KIRREL3: variants seen among roughly 807,000 people sequenced by gnomAD.
The protein encoded by KIRREL3 is kin of IRRE-like protein 3.
KIRREL3 carries 36 observed loss-of-function variants against 89.7 expected under a neutral mutation model. The observed-to-expected ratio is 0.40, with a 90% CI of 0.31 to 0.53. The LOEUF (loss-of-function observed/expected upper bound fraction) is 0.53. Ranked by LOEUF, KIRREL3 falls within the 20% of genes least tolerant of loss-of-function variation. The pLI, the probability that KIRREL3 is intolerant of heterozygous loss-of-function variation, is 0.49. For missense variants in KIRREL3, 864 were observed against 1,056.6 expected (o/e 0.82, Z 2.53); for synonymous variants, 445 against 441.4 (o/e 1.01, Z -0.10).
At chr11:126,503,024 G>A (rs529542326) in intron 4 of KIRREL3, among the ~76,000 whole-genome samples, 3 of 152,088 alleles carry the variant, frequency 2.0e-5, no homozygotes, top group Non-Finnish European at 4.4e-5. Context: ...GCTTTGCAGC[G>A]CTTAAGTAAT....
rs945682220 is a variant in KIRREL3, at chr11:126,971,967, C to T, written c.55+28488G>A. On this transcript the variant is annotated intron_variant, in intron 1 of 16. Transcript: ENST00000525144. ...ATTAGTGTTTGTGAATTTACATGGC[C>T]CTTTATCCAATTCATAACTATAAAC... 2.6e-5 allele frequency among the ~76,000 whole-genome samples: 4 copies of T among 152,212 alleles called. No homozygotes were observed. The South Asian group carries it at 6.2e-4, about 24-fold the overall frequency.
rs1412031713 is a variant in KIRREL3, at chr11:126,636,503, C to T, written c.56-73591G>A. 1.3e-5 allele frequency among the ~76,000 whole-genome samples: 2 copies of T among 152,198 alleles called. No homozygotes were observed. ...CATAAAGCCACTGGATATGTGGCAG[C>T]TCTGCCTTCGTGTTGGGCTCACATT... On this transcript the variant is annotated intron_variant, in intron 1 of 16. Transcript: ENST00000525144. The surrounding 1 kb of genome is among the most constrained non-coding windows in gnomAD (Gnocchi z 4.4).
chr11:126,701,891 G>T (rs1318427463), intron 1 of KIRREL3, among the ~76,000 whole-genome samples: 2 of 152,174 alleles, frequency 1.3e-5, no homozygotes, highest in African/African-American at 4.8e-5. Flanking sequence ...GTACCTAAAA[G>T]GTTCTTTAGG....
rs1308895932 is a variant in KIRREL3 at position 126,969,775 on chromosome 11, T to A, written c.55+30680A>T. ...TGTAGATCCCTTCAAAGCTGGAGAT[T>A]GGTGCCTTCCGGGATTCTGCCATTG... On this transcript the variant is annotated intron_variant, in intron 1 of 16. Coordinates refer to ENST00000525144, the MANE Select transcript of KIRREL3 (RefSeq NM_032531.4). The surrounding 1 kb of genome is among the most constrained non-coding windows in gnomAD (Gnocchi z 4.9). Among the ~76,000 whole-genome samples the A allele has an allele frequency of 6.6e-6, 1 of 152,180 alleles. No individual in the cohort carries two copies. Among genetic ancestry groups the A allele is most frequent in the African/African-American group, 2.4e-5 (1 of 41,440 alleles).
intron 1 of KIRREL3, among the ~76,000 whole-genome samples, chr11:126,869,946 G>A (rs1945051889): frequency 6.6e-6 from 1 of 152,164 alleles, no homozygotes; most frequent in African/African-American, 2.4e-5. Flanking sequence ...CTTGTAATGG[G>A]TTCATTATTT....
chr11:126,718,357 CCCAACT>C (rs143672768), intron 1 of KIRREL3, among the ~76,000 whole-genome samples: 9,294 of 152,262 alleles, frequency 0.061, 364 homozygotes, highest in African/African-American at 0.11. Flanking sequence ...AGTTGCGGAA[CCCAACT>C]CCAAGAGGCT....
chr11:126,651,509 C>G lies in KIRREL3; in HGVS notation c.56-88597G>C, dbSNP rs1371241942. ...CAGGTTAGTCTTAGTTATCCTGGAGCCTAACTGGATCTTGGGAATAAATCT... is the reference window on the plus strand; with the variant it reads ...CAGGTTAGTCTTAGTTATCCTGGAGGCTAACTGGATCTTGGGAATAAATCT... On this transcript the variant is annotated intron_variant, in intron 1 of 16. Transcript: ENST00000525144. The surrounding 1 kb of genome is among the most constrained non-coding windows in gnomAD (Gnocchi z 4.6). 6.6e-6 allele frequency among the ~76,000 whole-genome samples: 1 copy of G among 152,136 alleles called. No individual in the cohort carries two copies. Among genetic ancestry groups the G allele is most frequent in the African/African-American group, 2.4e-5 (1 of 41,428 alleles).
intron 1 of KIRREL3, among the ~76,000 whole-genome samples, chr11:126,786,398 CATTAT>C (rs1345690224): frequency 2.0e-5 from 3 of 152,174 alleles, no homozygotes; most frequent in African/African-American, 7.2e-5. Flanking sequence ...GGTAATATTA[CATTAT>C]AATAAAACTT....
chr11:126,733,620 C>A (rs1948706726), intron 1 of KIRREL3, among the ~76,000 whole-genome samples: 1 of 152,206 alleles, frequency 6.6e-6, no homozygotes, highest in Non-Finnish European at 1.5e-5. Flanking sequence ...TCAGTTCCTA[C>A]ATTTACTTTC....
chr11:126,711,991 A>G (rs1010444530), intron 1 of KIRREL3, among the ~76,000 whole-genome samples: 1 of 152,190 alleles, frequency 6.6e-6, no homozygotes, highest in Non-Finnish European at 1.5e-5. Flanking sequence ...GCCACTCCAC[A>G]GTGGCGCTGA....
rs188472000 is a variant in KIRREL3 at position 126,708,838 on chromosome 11, G to T, written c.56-145926C>A. On this transcript the variant is annotated intron_variant, in intron 1 of 16. Coordinates refer to ENST00000525144, the MANE Select transcript of KIRREL3 (RefSeq NM_032531.4). This position sits in a 1 kb window ranked among gnomAD's most constrained non-coding sequence, Gnocchi z 5.7. ...ATCACTAAGCCAGGTCAAAGGCCAT[G>T]GGATCAGCTGTGATCTCTCCCTTCC... Among the ~76,000 whole-genome samples the T allele has an allele frequency of 1.3e-5, 2 of 152,326 alleles. No individual in the cohort carries two copies. The highest frequency in any genetic ancestry group is 6.5e-5 in the Admixed American group (1 of 15,302).
At chr11:126,911,098 G>T (rs566543254) in intron 1 of KIRREL3, among the ~76,000 whole-genome samples, 3 of 152,332 alleles carry the variant, frequency 2.0e-5, no homozygotes, top group African/African-American at 4.8e-5. Context: ...CAGGAGGGAA[G>T]CAAGAAGCAG....
Position 126,647,575 on chromosome 11 carries a change from T to C in KIRREL3, c.56-84663A>G, listed in dbSNP as rs2134958607. Among the ~76,000 whole-genome samples, 1 of 152,334 alleles carries C rather than the reference T, an allele frequency of 6.6e-6. No individual in the cohort carries two copies. On this transcript the variant is annotated intron_variant, in intron 1 of 16. Transcript: ENST00000525144. This position sits in a 1 kb window ranked among gnomAD's most constrained non-coding sequence, Gnocchi z 4.9. ...GGAGCCCAAAAGTTTACAGCGAAGA[T>C]CAAATCTGTCAGCAAATCCCTTTGG...
chr11:126,573,545 C>T (rs1211232373), intron 1 of KIRREL3, among the ~76,000 whole-genome samples: 3 of 152,162 alleles, frequency 2.0e-5, no homozygotes, highest in South Asian at 2.1e-4. Flanking sequence ...CAGGGAACCC[C>T]GCTGTCCTCC....
At chr11:126,963,313 A>ACG (rs938946500) in intron 1 of KIRREL3, among the ~76,000 whole-genome samples, 1 of 147,946 alleles carries the variant, frequency 6.8e-6, no homozygotes, top group African/African-American at 2.6e-5. Context: ...ACACACATAC[A>ACG]CACACACACA....
At position 126,565,319 on chromosome 11, in the gene KIRREL3, T is replaced by G. The variant is rs1201615998; in HGVS notation, c.56-2407A>C. 1.3e-5 allele frequency among the ~76,000 whole-genome samples: 2 copies of G among 152,212 alleles called. No individual in the cohort carries two copies. Among genetic ancestry groups the G allele is most frequent in the African/African-American group, 4.8e-5 (2 of 41,448 alleles). On this transcript the variant is annotated intron_variant, in intron 1 of 16. Transcript: ENST00000525144. The surrounding 1 kb of genome is among the most constrained non-coding windows in gnomAD (Gnocchi z 5.4). Reference sequence around the variant, plus strand: ...CCAGGGCAACTGCTTGAGGAGAGGCTGTGTGGACAAGTGGTTATGATATAA... The same window carrying G: ...CCAGGGCAACTGCTTGAGGAGAGGCGGTGTGGACAAGTGGTTATGATATAA...
At position 126,579,502 on chromosome 11, in the gene KIRREL3, T is replaced by A. The variant is rs1201199125; in HGVS notation, c.56-16590A>T. ...CCACTCTCTAATTTAACGAATAACT[T>A]CTCTCATGAGCAAATGGGGTCCGGG... is the stretch of plus-strand genomic sequence containing the variant. On this transcript the variant is annotated intron_variant, in intron 1 of 16. Transcript: ENST00000525144. This position sits in a 1 kb window ranked among gnomAD's most constrained non-coding sequence, Gnocchi z 5.3. 2.0e-5 allele frequency among the ~76,000 whole-genome samples: 3 copies of A among 151,966 alleles called. No homozygotes were observed. The highest frequency in any genetic ancestry group is 4.4e-5 in the Non-Finnish European group (3 of 67,988).
At position 126,747,352 on chromosome 11, in the gene KIRREL3, G is replaced by A. The variant is rs1317117686; in HGVS notation, c.56-184440C>T. 6.6e-6 allele frequency among the ~76,000 whole-genome samples: 1 copy of A among 152,212 alleles called. No individual in the cohort carries two copies. Among genetic ancestry groups the A allele is most frequent in the Non-Finnish European group, 1.5e-5 (1 of 68,042 alleles). On this transcript the variant is annotated intron_variant, in intron 1 of 16. Coordinates refer to ENST00000525144, the MANE Select transcript of KIRREL3 (RefSeq NM_032531.4). This position sits in a 1 kb window ranked among gnomAD's most constrained non-coding sequence, Gnocchi z 4.7. ...TTGCTCATTATCTAGCGTAGCGTAA[G>A]TCCTCCATACTGAAAGCTAGTACCG...
rs572632795 is a variant in KIRREL3, at chr11:126,541,245, G to A, written c.134-14558C>T. Among the ~76,000 whole-genome samples, 8 of 152,346 alleles carry A rather than the reference G, an allele frequency of 5.3e-5. No homozygotes were observed. Among genetic ancestry groups the A allele is most frequent in the African/African-American group, 1.9e-4 (8 of 41,584 alleles). ...CTTGTCCTGGGCCCAGAAGGTACCA[G>A]TTGATGCTGCCTCTGCCACCTCTTA... On this transcript the variant is annotated intron_variant, in intron 2 of 16. Coordinates refer to ENST00000525144, the MANE Select transcript of KIRREL3 (RefSeq NM_032531.4). This position sits in a 1 kb window ranked among gnomAD's most constrained non-coding sequence, Gnocchi z 4.8.
Sources: gnomAD v4.1 joint callset for allele counts (sites outside exome capture counted in the v4.1 genomes callset) on GRCh38, gnomAD v4.1.1 for gene constraint, Gnocchi (gnomAD v3.1) non-coding constraint, MANE v1.5 for transcripts, NCBI Gene and HGNC (gene_info 2026-07-23, HGNC 2026-07-21) for gene names.